Variants in ZCCHC17 observed in about 807,000 individuals in gnomAD.
ZCCHC17 encodes the protein zinc finger CCHC-type containing 17, also known as zinc finger CCHC domain-containing protein 17.
A neutral mutation model predicts 30.6 loss-of-function variants in ZCCHC17; 18 were observed. The ratio of observed to expected loss-of-function variants is 0.59; its 90% CI spans 0.41 to 0.87. The LOEUF is 0.87. Among genes scored for constraint, ZCCHC17 ranks in the 40% least tolerant of loss-of-function variants. The pLI is 0.00. For missense variants in ZCCHC17, 263 were observed against 284.2 expected (o/e 0.93, Z 0.54); for synonymous variants, 88 against 92.4 (o/e 0.95, Z 0.27).
intron 2 of ZCCHC17, among the ~76,000 whole-genome samples, chr1:31,314,724 T>C (rs1273910826): frequency 6.6e-6 from 1 of 152,066 alleles, no homozygotes; most frequent in Non-Finnish European, 1.5e-5. Context: ...TTTTTTAAGA[T>C]GGAGTCTTCC....
intron 5 of ZCCHC17, among the ~76,000 whole-genome samples, chr1:31,339,442 A>T (rs939128464): frequency 6.6e-6 from 1 of 152,218 alleles, no homozygotes; most frequent in Non-Finnish European, 1.5e-5. Flanking sequence ...CAGGAGGCAG[A>T]GGTTGCAGTG....
intron 5 of ZCCHC17, among the ~76,000 whole-genome samples, chr1:31,341,216 G>T (rs555879346): frequency 6.6e-6 from 1 of 152,262 alleles, no homozygotes; most frequent in South Asian, 2.1e-4. Context: ...TGTTTGTAAG[G>T]CTGATTATTG....
At chr1:31,309,130 TCTCTTTGAAGTCACTTCA>T (rs1646537290) in intron 1 of ZCCHC17, among the ~76,000 whole-genome samples, 1 of 152,194 alleles carries the variant, frequency 6.6e-6, no homozygotes, top group South Asian at 2.1e-4. Flanking sequence ...TAAGCCCTTT[TCTCTTTGAAGTCACTTCA>T]GATTTAATAC....
intron 3 of ZCCHC17, among the ~76,000 whole-genome samples, chr1:31,327,184 C>G (rs1638389446): frequency 6.6e-6 from 1 of 152,182 alleles, no homozygotes; most frequent in Non-Finnish European, 1.5e-5. Flanking sequence ...TGGACACCAA[C>G]TGGGTGTCCA....
intron 5 of ZCCHC17, among the ~76,000 whole-genome samples, chr1:31,345,571 T>TATTATA (rs1569891847): frequency 9.4e-6 from 1 of 106,392 alleles, no homozygotes; most frequent in South Asian, 2.4e-4. Flanking sequence ...TAATATAATA[T>TATTATA]ATATATATAT....
At chr1:31,300,897 C>T (rs1287223531) in intron 1 of ZCCHC17, among the ~76,000 whole-genome samples, 1 of 150,032 alleles carries the variant, frequency 6.7e-6, no homozygotes, top group Non-Finnish European at 1.5e-5. Context: ...CGCGCCATTG[C>T]ACTCTAGCCT....
intron 7 of ZCCHC17, among the ~76,000 whole-genome samples, chr1:31,358,707 TTTGGGAGGGGGCGGGGCATAGAAA>T (rs1482918923): frequency 4.0e-5 from 6 of 151,880 alleles, no homozygotes; most frequent in Non-Finnish European, 7.4e-5. Context: ...AGAGTCTAGG[TTTGGGAGGGGGCGGGGCATAGAAA>T]TTGAGTTGCC....
At chr1:31,319,771 A>C (rs1646818183) in intron 3 of ZCCHC17, among the ~76,000 whole-genome samples, 1 of 152,178 alleles carries the variant, frequency 6.6e-6, no homozygotes, top group Non-Finnish European at 1.5e-5. Context: ...TCTGATTCCT[A>C]GCCCCTGGAT....
At chr1:31,361,234 T>C (rs1255031217) in intron 7 of ZCCHC17, among the ~76,000 whole-genome samples, 1 of 152,200 alleles carries the variant, frequency 6.6e-6, no homozygotes, top group Non-Finnish European at 1.5e-5. Context: ...CTCTACTCCA[T>C]TGGAGATGCC....
At chr1:31,300,707 A>C (rs1413001869) in intron 1 of ZCCHC17, among the ~76,000 whole-genome samples, 7 of 152,134 alleles carry the variant, frequency 4.6e-5, no homozygotes, top group South Asian at 4.1e-4. Flanking sequence ...AGGCCGAGGC[A>C]GGTGGATCAC....
At chr1:31,303,485 TAAC>T (rs968513730) in intron 1 of ZCCHC17, among the ~76,000 whole-genome samples, 18 of 152,300 alleles carry the variant, frequency 1.2e-4, no homozygotes, top group African/African-American at 3.8e-4. Flanking sequence ...TGGAAAATGA[TAAC>T]AACAAAAATC....
At chr1:31,310,700 A>G (rs563775535) in intron 2 of ZCCHC17, among the ~76,000 whole-genome samples, 32 of 152,358 alleles carry the variant, frequency 2.1e-4, no homozygotes, top group African/African-American at 7.5e-4. Context: ...AGCCAAATAA[A>G]TTTCATTTCT....
intron 7 of ZCCHC17, among the ~76,000 whole-genome samples, chr1:31,353,407 A>G (rs1639537096): frequency 6.6e-6 from 1 of 152,206 alleles, no homozygotes; most frequent in Non-Finnish European, 1.5e-5. Flanking sequence ...TATAACATTT[A>G]CCATCTTAAC....
chr1:31,315,250 T>C (rs1646704688), intron 2 of ZCCHC17, among the ~76,000 whole-genome samples: 1 of 152,182 alleles, frequency 6.6e-6, no homozygotes, highest in African/African-American at 2.4e-5. Flanking sequence ...TGGTATCTTG[T>C]ACATAGTAGA....
At chr1:31,318,047 A>G in intron 2 of ZCCHC17, 1 of 738,142 alleles carries the variant, frequency 1.4e-6, no homozygotes, top group Non-Finnish European at 2.1e-6. Context: ...CCAACTCTGT[A>G]CAGTGACATA....
At chr1:31,342,556 G>A (rs947459207) in intron 5 of ZCCHC17, among the ~76,000 whole-genome samples, 1 of 152,128 alleles carries the variant, frequency 6.6e-6, no homozygotes, top group Non-Finnish European at 1.5e-5. Context: ...TTCTCATAGG[G>A]GGTGCGCAAC....
intron 6 of ZCCHC17, 175 bp downstream of exon 6, chr1:31,346,915 T>C: frequency 7.2e-7 from 1 of 1,392,300 alleles, no homozygotes; most frequent in Non-Finnish European, 9.6e-7. Context: ...ACATTTTCTG[T>C]TTTCTTTTCT....
chr1:31,330,092 T>C (rs1451216276), intron 3 of ZCCHC17, among the ~76,000 whole-genome samples: 4 of 152,186 alleles, frequency 2.6e-5, no homozygotes, highest in African/African-American at 7.2e-5. Context: ...AGGGTAACAG[T>C]GACCTTTTGT....
chr1:31,335,136 T>G (rs1354633778), intron 3 of ZCCHC17, among the ~76,000 whole-genome samples: 1 of 152,184 alleles, frequency 6.6e-6, no homozygotes, highest in East Asian at 1.9e-4. Context: ...TTTGCTGTAT[T>G]GGGTGCTCAG....
Sources: allele counts gnomAD v4.1 joint callset (sites outside exome capture counted in the v4.1 genomes callset), GRCh38; gene constraint gnomAD v4.1.1; transcripts MANE v1.5; gene names NCBI Gene and HGNC (gene_info 2026-07-23, HGNC 2026-07-21).